The following ATP13A4 variants were observed in gnomAD, a reference collection of about 807,000 sequenced individuals.
ATP13A4 encodes the protein ATPase 13A4.
In ATP13A4, 114 loss-of-function variants were observed where a neutral mutation model predicts 142.5. The ratio of observed to expected loss-of-function variants is 0.80; its 90% confidence interval spans 0.69 to 0.93. ATP13A4 has a LOEUF of 0.93. Ranked by LOEUF, ATP13A4 falls within the 40% of genes least tolerant of loss-of-function variation. The pLI is 0.00. For missense variants in ATP13A4, 1,392 were observed against 1,454.0 expected, an observed-to-expected ratio of 0.96 and a Z score of 0.69; for synonymous variants, 488 against 514.8, an observed-to-expected ratio of 0.95 and a Z score of 0.70.
At chr3:193,538,071 C>G (rs1430142058) in intron 1 of ATP13A4, among the ~76,000 whole-genome samples, 1 of 152,086 alleles carries the variant, frequency 6.6e-6, no homozygotes, top group African/African-American at 2.4e-5. Flanking sequence ...TGATACTGTA[C>G]TATAGTTTTG....
In ATP13A4 at chr3:193,442,409, A is replaced by C. The variant is rs764708233; in HGVS notation, c.2300T>G (p.Ile767Ser). 6.2e-7 allele frequency: 1 copy of C among 1,613,966 alleles called. No homozygotes were observed. The highest frequency in any genetic ancestry group is 8.5e-7 in the Non-Finnish European group (1 of 1,179,870). Residue 767 changes from isoleucine (I) to serine (S), a missense_variant, in exon 19 of 30, where the codon ATT (isoleucine) becomes AGT (serine). Transcript: ENST00000342695. ...CAGGAGTACCTGATTCCCATACATA[A>C]TGTGTTTCTTCTCTTCTACTAACGT... Reference protein sequence around the residue: ...SWTLVEEKKHIMYGNQDNYIN... With the variant: ...SWTLVEEKKHSMYGNQDNYIN...
intron 25 of ATP13A4, 74 bp from the exon 26 acceptor site, chr3:193,414,824 T>A (rs1237663144): frequency 1.4e-6 from 2 of 1,439,516 alleles, no homozygotes; most frequent in African/African-American, 2.8e-5. Context: ...TGGCATAAGT[T>A]CATTGGCCCA....
chr3:193,582,585 A>ATGTATATTATATATGTATATTACATG (rs527344414), intron 1 of ATP13A4, among the ~76,000 whole-genome samples: 127 of 124,738 alleles, frequency 1.0e-3, no homozygotes, highest in African/African-American at 1.6e-3. Context: ...TATATATTAC[A>ATGTATATTATATATGTATATTACATG]TATATTATAT....
chr3:193,526,440 T>C (rs922382868), intron 1 of ATP13A4, among the ~76,000 whole-genome samples: 1 of 151,920 alleles, frequency 6.6e-6, no homozygotes, highest in African/African-American at 2.4e-5. Flanking sequence ...ACAACACACG[T>C]TGGGGCCTGT....
chr3:193,583,727 C>T (rs1292728510), intron 1 of ATP13A4, among the ~76,000 whole-genome samples: 1 of 151,574 alleles, frequency 6.6e-6, no homozygotes, highest in Non-Finnish European at 1.5e-5. Flanking sequence ...GATACAAGCA[C>T]AGAAAGCAAT....
chr3:193,554,556 G>A (rs1435350102), intron 1 of ATP13A4, 184 bp downstream of exon 1: 3 of 713,196 alleles, frequency 4.2e-6, no homozygotes, highest in Non-Finnish European at 7.2e-6. Flanking sequence ...GCTGTCAGAG[G>A]TTATATTTAC....
chr3:193,556,059 A>T (rs1723875194), upstream of ATP13A4, among the ~76,000 whole-genome samples: 1 of 152,186 alleles, frequency 6.6e-6, no homozygotes, highest in African/African-American at 2.4e-5. Flanking sequence ...ATATACACTA[A>T]ATTTGGAAGG....
intron 1 of ATP13A4, among the ~76,000 whole-genome samples, chr3:193,585,039 G>A (rs73065847): frequency 0.028 from 4,314 of 152,174 alleles, 185 homozygotes; most frequent in African/African-American, 0.093. Flanking sequence ...TGTCCATCCT[G>A]CAGCCTGCAG....
At chr3:193,463,582 A>G (rs908533923) in intron 12 of ATP13A4, among the ~76,000 whole-genome samples, 2 of 152,136 alleles carry the variant, frequency 1.3e-5, no homozygotes, top group Non-Finnish European at 2.9e-5. Context: ...ATAATCTCAG[A>G]GAGCTGTGGT....
intron 1 of ATP13A4, among the ~76,000 whole-genome samples, chr3:193,535,409 AAAC>A (rs1381867353): frequency 6.6e-6 from 1 of 152,124 alleles, no homozygotes; most frequent in Non-Finnish European, 1.5e-5. Context: ...ACTGGAAACT[AAAC>A]AACACACTTT....
At chr3:193,570,226 T>C (rs778921554) in intron 2 of ATP13A4, among the ~76,000 whole-genome samples, 40 of 152,250 alleles carry the variant, frequency 2.6e-4, no homozygotes, top group Non-Finnish European at 4.0e-4. Context: ...GCTGGGAGGA[T>C]TGCTTGAGCC....
At chr3:193,591,977 T>G (rs1265968922) in intron 1 of ATP13A4, among the ~76,000 whole-genome samples, 4 of 151,990 alleles carry the variant, frequency 2.6e-5, no homozygotes, top group African/African-American at 9.7e-5. Flanking sequence ...CCACAATAAA[T>G]AAAGAAAATT....
At chr3:193,516,837 T>C (rs1345311283) in intron 1 of ATP13A4, among the ~76,000 whole-genome samples, 1 of 152,178 alleles carries the variant, frequency 6.6e-6, no homozygotes, top group Non-Finnish European at 1.5e-5. Flanking sequence ...TGTCTTTGTG[T>C]TCATTGCCAA....
At chr3:193,591,823 T>C (rs1182091258) in intron 1 of ATP13A4, among the ~76,000 whole-genome samples, 2 of 152,192 alleles carry the variant, frequency 1.3e-5, no homozygotes, top group Non-Finnish European at 2.9e-5. Flanking sequence ...AGTCTCTTGG[T>C]TTCTCTTATT....
Position 193,457,082 on chromosome 3 carries a change from A to C in ATP13A4, c.1833T>G (p.Ile611Met). Residue 611 changes from isoleucine to methionine, a missense_variant, in exon 16 of 30, where the codon ATT becomes ATG. Transcript: ENST00000342695. ...GTCGGTCACCTCCCATCTCTTGGAC[A>C]ATGACTGTCATTCTTTGCAGTGCCG... ...FSSALQRMTV[I>M]VQEMGGDRLA... 6.2e-7 allele frequency: 1 copy of C among 1,613,970 alleles called. No individual in the cohort carries two copies. Among genetic ancestry groups the C allele is most frequent in the Non-Finnish European group, 8.5e-7 (1 of 1,180,038 alleles).
In ATP13A4 at chr3:193,412,162, G is replaced by A. The variant is rs200519857; in HGVS notation, c.3208+16C>T. ...CTGATGACTTCTCACCTCTGATGCA[G>A]TACAGTTCTACTCACAGTTTGTATA... On this transcript the variant is annotated intron_variant, in intron 27 of 29. Transcript: ENST00000342695. 9 of 1,582,350 alleles carry A rather than the reference G, an allele frequency of 5.7e-6. No individual in the cohort carries two copies. Among genetic ancestry groups the A allele is most frequent in the Non-Finnish European group, 7.8e-6 (9 of 1,151,274 alleles).
chr3:193,556,631 G>C (rs1310143097), upstream of ATP13A4, among the ~76,000 whole-genome samples: 1 of 151,638 alleles, frequency 6.6e-6, no homozygotes, highest in Non-Finnish European at 1.5e-5. Context: ...GTTTATGGGG[G>C]GGGTAATAAA....
At chr3:193,575,341 G>A (rs1386109910) in intron 2 of ATP13A4, among the ~76,000 whole-genome samples, 1 of 152,128 alleles carries the variant, frequency 6.6e-6, no homozygotes, top group African/African-American at 2.4e-5. Flanking sequence ...AGGCTTTTCT[G>A]TATAGGAAAA....
intron 2 of ATP13A4, among the ~76,000 whole-genome samples, chr3:193,513,020 A>G (rs890088946): frequency 5.9e-5 from 9 of 152,226 alleles, no homozygotes; most frequent in African/African-American, 2.2e-4. Context: ...TTAAAGTCTT[A>G]AAGCTTATTC....
Sources: allele counts gnomAD v4.1 joint callset (sites outside exome capture counted in the v4.1 genomes callset), GRCh38; gene constraint gnomAD v4.1.1; transcripts MANE v1.5; gene names NCBI Gene and HGNC (gene_info 2026-07-23, HGNC 2026-07-21).